XRN1: variants seen among roughly 807,000 people sequenced by gnomAD.
XRN1 encodes strand-exchange protein 1 homolog.
Under a neutral mutation model 222.3 loss-of-function variants are expected in XRN1, and 67 were observed. That is an observed-to-expected ratio of 0.30 (90% CI 0.25 to 0.37). The LOEUF is 0.37. Ranked by LOEUF, XRN1 falls within the 10% of genes least tolerant of loss-of-function variation. XRN1 has a pLI of 1.00. For synonymous variants in XRN1, 643 were observed against 652.4 expected, an observed-to-expected ratio of 0.99 and a Z score of 0.22; for missense variants, 1,707 against 2,000.2, an observed-to-expected ratio of 0.85 and a Z score of 2.80.
At chr3:142,325,118 T>C (rs1357729039) in intron 37 of XRN1, among the ~76,000 whole-genome samples, 3 of 152,198 alleles carry the variant, frequency 2.0e-5, no homozygotes, top group Non-Finnish European at 4.4e-5. Flanking sequence ...GGTCTATTTT[T>C]ATCTTTTTGA....
chr3:142,345,876 G>C (rs2107799932), intron 33 of XRN1, among the ~76,000 whole-genome samples: 1 of 152,270 alleles, frequency 6.6e-6, no homozygotes. Context: ...GTCAAAGAGA[G>C]GGACAATAAC....
At chr3:142,392,194 A>G (rs1559843883) in intron 20 of XRN1, among the ~76,000 whole-genome samples, 1 of 152,146 alleles carries the variant, frequency 6.6e-6, no homozygotes, top group Non-Finnish European at 1.5e-5. Context: ...TCTCTAGTAG[A>G]AAACTACCCT....
chr3:142,383,148 T>C (rs2067364570), intron 22 of XRN1, 152 bp downstream of exon 22: 3 of 665,646 alleles, frequency 4.5e-6, no homozygotes, highest in African/African-American at 1.8e-5. Flanking sequence ...TATTTAGATA[T>C]ATAAGTCAAA....
intron 22 of XRN1, among the ~76,000 whole-genome samples, chr3:142,380,604 T>C (rs2067274355): frequency 6.6e-6 from 1 of 152,076 alleles, no homozygotes; most frequent in Admixed American, 6.6e-5. Flanking sequence ...TCTTCCTGCC[T>C]TGGTCTCCCC....
At chr3:142,352,801 C>G (rs2066346256) in intron 32 of XRN1, among the ~76,000 whole-genome samples, 1 of 152,084 alleles carries the variant, frequency 6.6e-6, no homozygotes, top group African/African-American at 2.4e-5. Flanking sequence ...CACCACAGCA[C>G]CTGATTGATT....
chr3:142,427,325 C>T (rs1350349097), intron 2 of XRN1, among the ~76,000 whole-genome samples: 1 of 151,408 alleles, frequency 6.6e-6, no homozygotes, highest in East Asian at 1.9e-4. Flanking sequence ...CACAGTGAGT[C>T]TCTGTCTCAT....
chr3:142,333,866 T>C (rs905592655), intron 34 of XRN1, among the ~76,000 whole-genome samples: 1 of 152,238 alleles, frequency 6.6e-6, no homozygotes, highest in Non-Finnish European at 1.5e-5. Context: ...TGTATTTCAA[T>C]ATAACTGGTT....
chr3:142,354,320 C>T (rs994727644), intron 32 of XRN1, among the ~76,000 whole-genome samples: 7 of 152,106 alleles, frequency 4.6e-5, no homozygotes, highest in African/African-American at 1.4e-4. Context: ...CTTATAAACT[C>T]CTGGTAGGAA....
chr3:142,355,418 G>A lies in XRN1; in HGVS notation c.3751C>T (p.Pro1251Ser), dbSNP rs201638869. The change falls in exon 32 of 41, where the codon CCA (proline) becomes TCA (serine). Residue 1251 changes from proline to serine, a missense_variant. Pro to Ser is a moderately conservative substitution (Grantham distance 74). Coordinates refer to ENST00000392981, the MANE Select transcript of XRN1 (RefSeq NM_001282857.2). ...ATACTAACCTTCTCTTGTATAGTTG[G>A]CTGAAAGTATTGCATCTTTCCAGAT... The part of the protein sequence containing the change: ...QGSGKMQYFQ[P>S]TIQEKGAVLP... The A allele has an allele frequency of 4.2e-4, 665 of 1,571,198 alleles. 7 individuals are homozygous for A. Among genetic ancestry groups the A allele is most frequent in the South Asian group, 9.2e-4 (76 of 82,234 alleles).
At chr3:142,362,673 TTTC>T (rs1036038817) in intron 29 of XRN1, among the ~76,000 whole-genome samples, 8 of 148,176 alleles carry the variant, frequency 5.4e-5, no homozygotes, top group Admixed American at 2.7e-4. Context: ...GCTCCGGCCT[TTTC>T]TTCTTTTCTT....
chr3:142,397,963 T>C (rs1391142895), intron 19 of XRN1, among the ~76,000 whole-genome samples: 1 of 152,136 alleles, frequency 6.6e-6, no homozygotes, highest in African/African-American at 2.4e-5. Flanking sequence ...AATTTAAGGT[T>C]GGGTGCAGTG....
intron 34 of XRN1, 33 bp downstream of exon 34, chr3:142,335,415 G>C: frequency 1.3e-6 from 2 of 1,597,800 alleles, no homozygotes; most frequent in South Asian, 1.1e-5. Context: ...TTAAAAAATT[G>C]GTAACTAGAA....
chr3:142,391,652 T>C (rs1446767023), intron 20 of XRN1, among the ~76,000 whole-genome samples: 5 of 150,524 alleles, frequency 3.3e-5, no homozygotes, highest in Non-Finnish European at 7.4e-5. Flanking sequence ...TTGCTCGAAC[T>C]CAGGAGCTCC....
At chr3:142,398,530 C>T (rs1314089176) in intron 19 of XRN1, among the ~76,000 whole-genome samples, 1 of 151,890 alleles carries the variant, frequency 6.6e-6, no homozygotes, top group Non-Finnish European at 1.5e-5. Flanking sequence ...CCATGCCTAG[C>T]TAATGATTTT....
chr3:142,334,764 G>GTA (rs563834276), intron 34 of XRN1, among the ~76,000 whole-genome samples: 5 of 107,072 alleles, frequency 4.7e-5, no homozygotes, highest in African/African-American at 2.2e-4. Context: ...ATATGTCTAT[G>GTA]TATACACACA....
chr3:142,399,621 T>TA (rs543912067), intron 19 of XRN1, among the ~76,000 whole-genome samples: 38 of 151,588 alleles, frequency 2.5e-4, no homozygotes, highest in African/African-American at 8.0e-4. Flanking sequence ...TAAATTCTGA[T>TA]AAAAAAAATC....
At chr3:142,415,841 T>C (rs1283574212) in intron 13 of XRN1, among the ~76,000 whole-genome samples, 1 of 152,260 alleles carries the variant, frequency 6.6e-6, no homozygotes, top group East Asian at 1.9e-4. Flanking sequence ...TAAAAGTCTC[T>C]AGTATTCACT....
At position 142,329,499 on chromosome 3, in the gene XRN1, G is replaced by T; in HGVS notation, c.4339C>A (p.Leu1447Ile). ...IPPVSTPVTE[L>I]SRICSLVGMP... ...CCAACAAGGGAACAAATTCGAGAAA[G>T]TTCAGTTACTGGTGTGGATACAGGA... The change falls in exon 37 of 41, where the codon CTT becomes ATT. Residue 1447 changes from leucine to isoleucine, a missense_variant. This residue lies in a region of XRN1 where 473 missense variants were observed against 482.0 expected (regional missense o/e 0.98). Coordinates refer to ENST00000392981, the MANE Select transcript of XRN1 (RefSeq NM_001282857.2). The T allele has an allele frequency of 6.3e-7, 1 of 1,595,412 alleles. No individual in the cohort carries two copies. Among genetic ancestry groups the T allele is most frequent in the Non-Finnish European group, 8.5e-7 (1 of 1,173,708 alleles).
At chr3:142,366,361 G>A (rs1039508304) in intron 27 of XRN1, among the ~76,000 whole-genome samples, 2 of 152,270 alleles carry the variant, frequency 1.3e-5, no homozygotes, top group South Asian at 2.1e-4. Context: ...TAGGGTTCAT[G>A]TATTTACATA....
Sources: gnomAD v4.1 joint callset for allele counts (sites outside exome capture counted in the v4.1 genomes callset) on GRCh38, gnomAD v4.1.1 for gene constraint, gnomAD v4.1.1 regional missense constraint, MANE v1.5 for transcripts, NCBI Gene and HGNC (gene_info 2026-07-23, HGNC 2026-07-21) for gene names.